Variants in ARHGAP21 observed in about 807,000 individuals in gnomAD.
ARHGAP21 encodes the protein Rho GTPase activating protein 21.
A neutral mutation model predicts 164.6 loss-of-function variants in ARHGAP21; 38 were observed. That is an observed-to-expected ratio of 0.23 (90% CI 0.18 to 0.30). The LOEUF (loss-of-function observed/expected upper bound fraction) is 0.30, where lower values mean the gene tolerates loss of function less well. Among genes scored for constraint, ARHGAP21 ranks in the 10% least tolerant of loss-of-function variants. The pLI is 1.00. For missense variants in ARHGAP21, 1,822 were observed against 2,370.7 expected (o/e 0.77, Z 4.81); for synonymous variants, 766 against 857.9 (o/e 0.89, Z 1.87).
chr10:24,611,233 T>C (rs1593016017), intron 9 of ARHGAP21, among the ~76,000 whole-genome samples: 2 of 152,214 alleles, frequency 1.3e-5, no homozygotes, highest in East Asian at 1.9e-4. Context: ...CAGGGCCCCT[T>C]ATATTAATAG....
chr10:24,719,846 C>T (rs986032230), intron 2 of ARHGAP21, among the ~76,000 whole-genome samples: 1 of 152,150 alleles, frequency 6.6e-6, no homozygotes, highest in South Asian at 2.1e-4. Flanking sequence ...CAACTAAATA[C>T]AGGCAATAAT....
chr10:24,627,996 G>C (rs1835306370), intron 7 of ARHGAP21, among the ~76,000 whole-genome samples: 1 of 152,164 alleles, frequency 6.6e-6, no homozygotes, highest in South Asian at 2.1e-4. Context: ...TTCATAAGCT[G>C]ATTCTGTCTT....
chr10:24,651,784 C>T (rs1838190052), intron 4 of ARHGAP21, among the ~76,000 whole-genome samples: 3 of 152,118 alleles, frequency 2.0e-5, no homozygotes, highest in Admixed American at 2.0e-4. Flanking sequence ...GAGAGATACA[C>T]CAGATTCATA....
intron 14 of ARHGAP21, among the ~76,000 whole-genome samples, chr10:24,599,365 C>T (rs528593461): frequency 4.6e-5 from 7 of 152,266 alleles, no homozygotes; most frequent in African/African-American, 1.4e-4. Flanking sequence ...AGGTCTGATG[C>T]CCTCTGTATA....
At chr10:24,617,162 A>G (rs1565022375) in intron 9 of ARHGAP21, among the ~76,000 whole-genome samples, 1 of 152,282 alleles carries the variant, frequency 6.6e-6, no homozygotes. Context: ...ACATCAATCT[A>G]TATGTATATA....
chr10:24,695,047 T>C (rs1245957196), intron 2 of ARHGAP21, among the ~76,000 whole-genome samples: 1 of 31,936 alleles, frequency 3.1e-5, no homozygotes, highest in African/African-American at 1.3e-4. Flanking sequence ...CAAAATTCCA[T>C]CTCAAAAAAA....
chr10:24,597,613 T>C, intron 15 of ARHGAP21, 30 bp from the exon 16 acceptor site: 1 of 1,612,488 alleles, frequency 6.2e-7, no homozygotes, highest in South Asian at 1.1e-5. Context: ...TTGTTAACAA[T>C]TACAGTAATC....
At chr10:24,614,672 A>G (rs964833163) in intron 9 of ARHGAP21, among the ~76,000 whole-genome samples, 2 of 151,166 alleles carry the variant, frequency 1.3e-5, no homozygotes, top group Non-Finnish European at 2.9e-5. Context: ...AATCCCAGCT[A>G]CTTGGGAGAC....
intron 4 of ARHGAP21, chr10:24,640,254 G>C (rs1436756490): frequency 6.6e-6 from 1 of 151,456 alleles, no homozygotes; most frequent in Non-Finnish European, 1.5e-5. Context: ...TTGGATGGGA[G>C]ACTGCCTGGG....
At chr10:24,704,622 C>T (rs372822663) in intron 2 of ARHGAP21, among the ~76,000 whole-genome samples, 93 of 152,080 alleles carry the variant, frequency 6.1e-4, no homozygotes, top group Middle Eastern at 3.4e-3. Context: ...CATGCCACCA[C>T]GCCTGGCTAA....
chr10:24,715,449 C>G (rs533864075), intron 2 of ARHGAP21, among the ~76,000 whole-genome samples: 1 of 152,296 alleles, frequency 6.6e-6, no homozygotes, highest in East Asian at 1.9e-4. Context: ...TATAGCTTCT[C>G]TTATCGACCA....
chr10:24,600,632 C>G lies in ARHGAP21; in HGVS notation c.3132+14G>C. 1 of 1,609,726 alleles carries G rather than the reference C, an allele frequency of 6.2e-7. No homozygotes were observed. The highest frequency in any genetic ancestry group is 8.5e-7 in the Non-Finnish European group (1 of 1,176,866). On this transcript the variant is annotated intron_variant, in intron 14 of 25. Transcript: ENST00000396432. ...AAAGGGTCAGATTTCTCCAGCATTCCTTTGAACACCCACCTCTTCGTTTAG... is the reference window on the plus strand; with the variant it reads ...AAAGGGTCAGATTTCTCCAGCATTCGTTTGAACACCCACCTCTTCGTTTAG...
chr10:24,611,502 G>A (rs756132634), intron 9 of ARHGAP21, among the ~76,000 whole-genome samples: 5 of 152,036 alleles, frequency 3.3e-5, no homozygotes, highest in Non-Finnish European at 7.4e-5. Context: ...TCAGGAGTTC[G>A]AGACCAGCCT....
chr10:24,594,574 A>AT (rs2076494126), intron 21 of ARHGAP21, among the ~76,000 whole-genome samples: 1 of 152,000 alleles, frequency 6.6e-6, no homozygotes, highest in African/African-American at 2.4e-5. Flanking sequence ...TGGTGGTGTT[A>AT]AAAGGAATGA....
At chr10:24,666,437 A>G (rs1416414393) in intron 4 of ARHGAP21, among the ~76,000 whole-genome samples, 3 of 152,252 alleles carry the variant, frequency 2.0e-5, no homozygotes, top group Admixed American at 2.0e-4. Context: ...ATCTAGAAAT[A>G]AAAGTTTTTA....
chr10:24,596,338 CAAGAA>C, intron 17 of ARHGAP21: 1 of 429,754 alleles, frequency 2.3e-6, no homozygotes, highest in Non-Finnish European at 4.0e-6. Flanking sequence ...AATAAAGAGT[CAAGAA>C]AAGAGGAGGA....
rs1193261101 is a variant in ARHGAP21, at chr10:24,689,788, A to G, written c.64-19391T>C. Among the ~76,000 whole-genome samples the G allele has an allele frequency of 7.3e-5, 11 of 150,090 alleles. No individual in the cohort carries two copies. The East Asian group carries it at 2.1e-3, about 29-fold the overall frequency. ...TGTATGTATATATGTGTGTGTATAT[A>G]TATGTATATATGTATATGTATGTGT... On this transcript the variant is annotated intron_variant, in intron 2 of 25. Transcript: ENST00000396432.
intron 11 of ARHGAP21, among the ~76,000 whole-genome samples, chr10:24,605,347 G>A (rs779437628): frequency 1.3e-5 from 2 of 152,222 alleles, no homozygotes; most frequent in East Asian, 3.8e-4. Flanking sequence ...TGGAGTATCA[G>A]AGGAGAATGA....
At chr10:24,623,409 T>C (rs1190097459) in intron 7 of ARHGAP21, among the ~76,000 whole-genome samples, 1 of 152,236 alleles carries the variant, frequency 6.6e-6, no homozygotes, top group African/African-American at 2.4e-5. Context: ...TGTTAACCTA[T>C]AATAAATATT....
Sources: gnomAD v4.1 joint callset for allele counts (sites outside exome capture counted in the v4.1 genomes callset) on GRCh38, gnomAD v4.1.1 for gene constraint, MANE v1.5 for transcripts, NCBI Gene and HGNC (gene_info 2026-07-23, HGNC 2026-07-21) for gene names.